CORO2B: variants seen among roughly 807,000 people sequenced by gnomAD.
CORO2B encodes the protein coronin-2B.
In CORO2B, 26 loss-of-function variants were observed where a neutral mutation model predicts 58.8. The ratio of observed to expected loss-of-function variants is 0.44; its 90% CI spans 0.32 to 0.61. The LOEUF is 0.61. CORO2B is among the 20% of genes least tolerant of loss of function. The probability of loss-of-function intolerance (pLI) is 0.04; values close to 1 mark genes in which losing one functional copy is unlikely to be tolerated. For missense variants in CORO2B, 460 were observed against 645.1 expected (o/e 0.71, Z 3.11); for synonymous variants, 242 against 253.8 (o/e 0.95, Z 0.44).
intron 1 of CORO2B, among the ~76,000 whole-genome samples, chr15:68,618,550 G>A (rs1900430360): frequency 6.6e-6 from 1 of 152,192 alleles, no homozygotes; most frequent in Non-Finnish European, 1.5e-5. Flanking sequence ...TGAGGAGATA[G>A]CACTGATGTG....
the CORO2B span, among the ~76,000 whole-genome samples, chr15:68,568,110 C>G: frequency 0.028 from 4,216 of 152,276 alleles, 185 homozygotes; most frequent in African/African-American, 0.093. Flanking sequence ...GGGCCACCCC[C>G]TGGGGTTCCT....
the CORO2B span, among the ~76,000 whole-genome samples, chr15:68,531,188 T>C: frequency 3.3e-5 from 5 of 152,066 alleles, no homozygotes; most frequent in Admixed American, 2.6e-4. Context: ...TCTAAAGAAC[T>C]TTCAAAATAA....
At chr15:68,648,656 AAGAAAGAGAG>A (rs1901534172) in intron 2 of CORO2B, among the ~76,000 whole-genome samples, 2 of 152,240 alleles carry the variant, frequency 1.3e-5, no homozygotes, top group African/African-American at 2.4e-5. Context: ...TCTCAAAAAA[AAGAAAGAGAG>A]AGAAAGAGAG....
intron 1 of CORO2B, among the ~76,000 whole-genome samples, chr15:68,640,511 T>TA (rs10715792): frequency 2.9e-4 from 42 of 146,272 alleles, no homozygotes; most frequent in South Asian, 6.6e-4. Flanking sequence ...CAATGCTATT[T>TA]AAAAAAAAAA....
chr15:68,568,019 AAAAAG>A, the CORO2B span, among the ~76,000 whole-genome samples: 90 of 152,272 alleles, frequency 5.9e-4, no homozygotes, highest in African/African-American at 1.5e-3. Flanking sequence ...AGTCCATCTC[AAAAAG>A]AAAAGAAAAG....
At chr15:68,587,992 C>G (rs1009898713) in intron 1 of CORO2B, among the ~76,000 whole-genome samples, 1 of 152,222 alleles carries the variant, frequency 6.6e-6, no homozygotes, top group African/African-American at 2.4e-5. Context: ...GGGCTAGTCC[C>G]TGGATGTCTC....
At chr15:68,610,865 C>T (rs1219945847) in intron 1 of CORO2B, among the ~76,000 whole-genome samples, 2 of 152,196 alleles carry the variant, frequency 1.3e-5, no homozygotes, top group East Asian at 3.8e-4. Flanking sequence ...TCCCTTGACT[C>T]CCACTCACAA....
chr15:68,571,695 C>G, the CORO2B span, among the ~76,000 whole-genome samples: 11 of 152,302 alleles, frequency 7.2e-5, no homozygotes, highest in Non-Finnish European at 1.0e-4. Context: ...TCGCCCAAGG[C>G]ACTGCACAAG....
At chr15:68,561,051 T>C in the CORO2B span, among the ~76,000 whole-genome samples, 1 of 152,126 alleles carries the variant, frequency 6.6e-6, no homozygotes, top group Non-Finnish European at 1.5e-5. Flanking sequence ...AGAGCTCTGG[T>C]GGTTGTTGAG....
At chr15:68,631,598 A>G (rs913624184) in intron 1 of CORO2B, among the ~76,000 whole-genome samples, 1 of 152,174 alleles carries the variant, frequency 6.6e-6, no homozygotes, top group Non-Finnish European at 1.5e-5. Flanking sequence ...TCCAGCTCTC[A>G]GAGCTGACAC....
chr15:68,711,074 A>T (rs1362084343), intron 4 of CORO2B, among the ~76,000 whole-genome samples, 193 bp downstream of exon 4: 1 of 152,166 alleles, frequency 6.6e-6, no homozygotes, highest in African/African-American at 2.4e-5. Flanking sequence ...CCTGGGGTCC[A>T]CAGAGGCCGG....
chr15:68,705,088 G>A lies in CORO2B; in HGVS notation c.334-5644G>A, dbSNP rs182836355. On this transcript the variant is annotated intron_variant, in intron 3 of 11. Coordinates refer to ENST00000261861, the MANE Select transcript of CORO2B (RefSeq NM_006091.5). ...CTGTAGCATGTGGTGCCAACTGTTT[G>A]CTATAGCCATGGGTCAAGCAGAGCC... is the stretch of plus-strand genomic sequence containing the variant. 1.4e-3 allele frequency among the ~76,000 whole-genome samples: 209 copies of A among 152,274 alleles called. 2 individuals are homozygous for A. The highest frequency in any genetic ancestry group is 4.9e-3 in the African/African-American group (204 of 41,552).
chr15:68,594,110 C>T (rs983057174), intron 1 of CORO2B, among the ~76,000 whole-genome samples: 3 of 152,048 alleles, frequency 2.0e-5, no homozygotes, highest in East Asian at 1.9e-4. Context: ...AATGTCTGAA[C>T]GAATAAACAA....
the CORO2B span, chr15:68,559,693 T>C: frequency 1.1e-6 from 1 of 945,776 alleles, no homozygotes; most frequent in Non-Finnish European, 1.3e-6. The surrounding 1 kb of genome is among the most constrained non-coding windows in gnomAD (Gnocchi z 4.3). Flanking sequence ...GTTGGTGCAG[T>C]GCTCTCTGGG....
chr15:68,610,511 C>G (rs573958116), intron 1 of CORO2B, among the ~76,000 whole-genome samples: 18 of 152,134 alleles, frequency 1.2e-4, no homozygotes, highest in African/African-American at 4.1e-4. Flanking sequence ...CGCTCACATC[C>G]CCTCCCTCAT....
At chr15:68,615,234 CAGTT>C (rs778125531) in intron 1 of CORO2B, among the ~76,000 whole-genome samples, 11 of 152,290 alleles carry the variant, frequency 7.2e-5, no homozygotes, top group South Asian at 4.2e-4. Context: ...ACCGTGACCC[CAGTT>C]AGTTAGTAAT....
chr15:68,670,235 C>T (rs186863477), intron 2 of CORO2B, among the ~76,000 whole-genome samples: 1,612 of 151,860 alleles, frequency 0.011, 11 homozygotes, highest in Non-Finnish European at 0.017. Context: ...AGTGCAGTGG[C>T]GTGATATTAG....
chr15:68,682,495 T>C (rs1301682188), intron 2 of CORO2B, among the ~76,000 whole-genome samples: 16 of 152,022 alleles, frequency 1.1e-4, no homozygotes, highest in Non-Finnish European at 1.9e-4. Context: ...TTTACAGCTG[T>C]CAGGGCTCTA....
chr15:68,530,597 T>C, the CORO2B span, among the ~76,000 whole-genome samples: 1 of 152,198 alleles, frequency 6.6e-6, no homozygotes, highest in African/African-American at 2.4e-5. Flanking sequence ...ATGTCTGTCC[T>C]TGCAGTTATG....
Sources: gnomAD v4.1 joint callset for allele counts (sites outside exome capture counted in the v4.1 genomes callset) on GRCh38, gnomAD v4.1.1 for gene constraint, Gnocchi (gnomAD v3.1) non-coding constraint, MANE v1.5 for transcripts, NCBI Gene and HGNC (gene_info 2026-07-23, HGNC 2026-07-21) for gene names.